The following PPFIA3 variants were observed in gnomAD, a reference collection of about 807,000 sequenced individuals.
PPFIA3 encodes the protein liprin-alpha-3.
In PPFIA3, 26 loss-of-function variants were observed where a neutral mutation model predicts 145.8. That is an observed-to-expected ratio of 0.18 (90% CI 0.13 to 0.25). PPFIA3 has a LOEUF of 0.25. Ranked by LOEUF, PPFIA3 falls within the 10% of genes least tolerant of loss-of-function variation. PPFIA3 has a pLI of 1.00. For missense variants in PPFIA3, 1,008 were observed against 1,587.8 expected (o/e 0.63, Z 6.21); for synonymous variants, 645 against 661.4 (o/e 0.98, Z 0.38).
rs940695370 is a variant in PPFIA3, at chr19:49,141,791, A to G, written c.2463-243A>G. On this transcript the variant is annotated intron_variant, in intron 19 of 29. Coordinates refer to ENST00000334186, the MANE Select transcript of PPFIA3 (RefSeq NM_003660.4). Reference sequence around the variant, plus strand: ...AATTTTTTTTGTATTTTTTACATTTATATTATATTTTTTGTTTCTTTTGTT... The same window carrying G: ...AATTTTTTTTGTATTTTTTACATTTGTATTATATTTTTTGTTTCTTTTGTT... 3.0e-4 allele frequency among the ~76,000 whole-genome samples: 45 copies of G among 149,194 alleles called. 1 individual carries two copies. Among genetic ancestry groups the G allele is most frequent in the African/African-American group, 1.0e-3 (42 of 40,322 alleles).
At position 49,146,390 on chromosome 19, in the gene PPFIA3, C is replaced by T. The variant is rs145082020; in HGVS notation, c.2835+198C>T. 252 of 652,736 alleles carry T rather than the reference C, an allele frequency of 3.9e-4. 1 individual carries two copies. Among genetic ancestry groups the T allele is most frequent in the Non-Finnish European group, 5.6e-4 (213 of 383,244 alleles). The allele number at this position is 652,736 out of a possible 1,614,324, so 40.4% of individuals were successfully genotyped here. A position where few individuals can be genotyped will look rare whatever the true frequency, so the allele number is the denominator to read the frequency against. ...GTAGAGGGGATGCGATGTGGAAGCCCAGACTGTTGCATAGTCAGCCTTATG... is the reference window on the plus strand; with the variant it reads ...GTAGAGGGGATGCGATGTGGAAGCCTAGACTGTTGCATAGTCAGCCTTATG... On this transcript the variant is annotated intron_variant, in intron 23 of 29. Coordinates refer to ENST00000334186, the MANE Select transcript of PPFIA3 (RefSeq NM_003660.4).
intron 21 of PPFIA3, among the ~76,000 whole-genome samples, chr19:49,144,806 A>C (rs1042667707): frequency 6.6e-6 from 1 of 152,070 alleles, no homozygotes; most frequent in African/African-American, 2.4e-5. Context: ...TAATTGGAGA[A>C]AGTCATAACA....
In PPFIA3 at chr19:49,149,456, A is replaced by AGGTGAGACCCGGAGAGG; in HGVS notation, c.3355-86_3355-70dup. On this transcript the variant is annotated intron_variant, in intron 27 of 29. Transcript: ENST00000334186. The surrounding 1 kb of genome is among the most constrained non-coding windows in gnomAD (Gnocchi z 5.7). The stretch of plus-strand genomic sequence containing the variant: ...CAGGAGAGGGGCGGGGTTAAAGGAG[A>AGGTGAGACCCGGAGAGG]GGTGAGACCCGGAGAGGGGTGGAGT... The AGGTGAGACCCGGAGAGG allele has an allele frequency of 6.3e-7, 1 of 1,585,102 alleles. No individual in the cohort carries two copies. Among genetic ancestry groups the AGGTGAGACCCGGAGAGG allele is most frequent in the South Asian group, 1.1e-5 (1 of 89,960 alleles).
At chr19:49,139,889 G>A (rs1255513724) in intron 17 of PPFIA3, 58 bp downstream of exon 17, 9 of 1,612,020 alleles carry the variant, frequency 5.6e-6, no homozygotes, top group South Asian at 5.5e-5. Flanking sequence ...ATGAGAAGGG[G>A]GTGGACAAGG....
chr19:49,140,560 A>G (rs1479032319), intron 18 of PPFIA3, among the ~76,000 whole-genome samples: 2 of 148,906 alleles, frequency 1.3e-5, no homozygotes, highest in Non-Finnish European at 3.0e-5. Context: ...CATGTTGGCC[A>G]GGCTGGTCTT....
In PPFIA3 at chr19:49,128,091, A is replaced by G. The variant is rs759639649; in HGVS notation, c.218A>G (p.Gln73Arg). 2 of 1,573,242 alleles carry G rather than the reference A, an allele frequency of 1.3e-6. No individual in the cohort carries two copies. Among genetic ancestry groups the G allele is most frequent in the South Asian group, 2.3e-5 (2 of 88,840 alleles). The change falls in exon 2 of 30, where the codon CAG becomes CGG. Residue 73 changes from glutamine (Q) to arginine (R), a missense_variant. Gln to Arg is a conservative substitution (Grantham distance 43). Transcript: ENST00000334186. This position sits in a 1 kb window ranked among gnomAD's most constrained non-coding sequence, Gnocchi z 4.1. ...CACGAGAAGGACTCGCTGCAGCGCC[A>G]GCTCAGCATCGCGCTGCCCCAGGTC... is the stretch of plus-strand genomic sequence containing the variant. ...LGHEKDSLQRQLSIALPQEFA... is the reference protein window; with the variant it reads ...LGHEKDSLQRRLSIALPQEFA...
intron 1 of PPFIA3, among the ~76,000 whole-genome samples, chr19:49,125,738 G>C (rs1157049263): frequency 1.3e-5 from 2 of 152,038 alleles, no homozygotes; most frequent in Non-Finnish European, 2.9e-5. Context: ...GGGGAGGAGA[G>C]GGGTGCGGTC....
chr19:49,134,794 C>G (rs780500475), intron 12 of PPFIA3, 42 bp from the exon 13 acceptor site: 1 of 1,607,238 alleles, frequency 6.2e-7, no homozygotes, highest in African/African-American at 1.3e-5. Context: ...TCCTCCTGGG[C>G]GGAGCAGATT....
chr19:49,148,262 G>C lies in PPFIA3; in HGVS notation c.3011+4G>C, dbSNP rs1348286895. ...AGATGGTGGACAGCTTTCACAGGTG[G>C]GGGCTGCCTGGCCAGTGGGGACAGT... On this transcript the variant is annotated splice_donor_region_variant and intron_variant, in intron 24 of 29. Coordinates refer to ENST00000334186, the MANE Select transcript of PPFIA3 (RefSeq NM_003660.4). 6.2e-7 allele frequency: 1 copy of C among 1,612,624 alleles called. No individual in the cohort carries two copies. Among genetic ancestry groups the C allele is most frequent in the East Asian group, 2.2e-5 (1 of 44,894 alleles).
Position 49,149,442 on chromosome 19 carries a change from C to G in PPFIA3, c.3355-105C>G. ...GTTGGAGGCGGGGCCAGGAGAGGGG[C>G]GGGGTTAAAGGAGAGGTGAGACCCG... On this transcript the variant is annotated intron_variant, in intron 27 of 29. Coordinates refer to ENST00000334186, the MANE Select transcript of PPFIA3 (RefSeq NM_003660.4). This position sits in a 1 kb window ranked among gnomAD's most constrained non-coding sequence, Gnocchi z 5.7. 6.3e-7 allele frequency: 1 copy of G among 1,580,532 alleles called. No individual in the cohort carries two copies. The highest frequency in any genetic ancestry group is 1.1e-5 in the South Asian group (1 of 89,850).
chr19:49,145,888 C>A, intron 21 of PPFIA3, 55 bp from the exon 22 acceptor site: 2 of 1,530,874 alleles, frequency 1.3e-6, no homozygotes, highest in Non-Finnish European at 1.8e-6. Flanking sequence ...ACCCTCCTTC[C>A]TCTCCCCCAC....
chr19:49,137,654 A>G (rs1308851311), intron 15 of PPFIA3, among the ~76,000 whole-genome samples: 1 of 140,920 alleles, frequency 7.1e-6, no homozygotes, highest in Non-Finnish European at 1.5e-5. Flanking sequence ...AAAAAAAAAA[A>G]AAAAGTCCCC....
In PPFIA3 at chr19:49,146,208, C is replaced by T. The variant is rs757682307; in HGVS notation, c.2835+16C>T. The T allele has an allele frequency of 9.9e-6, 16 of 1,612,818 alleles. No homozygotes were observed. The African/African-American group carries it at 1.7e-4, about 17-fold the overall frequency. ...CTGGGAGCAGGTAGGGGGCGCGGGG[C>T]GGGGCGTGAGCGCATGAACAGGCTG... On this transcript the variant is annotated intron_variant, in intron 23 of 29. Coordinates refer to ENST00000334186, the MANE Select transcript of PPFIA3 (RefSeq NM_003660.4).
At chr19:49,131,218 G>T (rs1222258379) in intron 7 of PPFIA3, among the ~76,000 whole-genome samples, 3 of 142,408 alleles carry the variant, frequency 2.1e-5, no homozygotes, top group Admixed American at 1.4e-4. Context: ...GCCCAGGCTG[G>T]AGTGCAGTGT....
In PPFIA3 at chr19:49,136,734, G is replaced by A. The variant is rs1285436560; in HGVS notation, c.1676G>A (p.Arg559Gln). 7.8e-6 allele frequency: 12 copies of A among 1,529,376 alleles called. No homozygotes were observed. Among genetic ancestry groups the A allele is most frequent in the South Asian group, 2.5e-5 (2 of 80,018 alleles). 94.7% of individuals were successfully genotyped at this position (1,529,376 alleles called of 1,614,324 possible). The change falls in exon 15 of 30, where the codon CGG (arginine) becomes CAG (glutamine). Residue 559 changes from arginine (R) to glutamine (Q), a missense_variant. Physicochemically the swap from Arg to Gln is conservative, Grantham distance 43. Coordinates refer to ENST00000334186, the MANE Select transcript of PPFIA3 (RefSeq NM_003660.4). ...CCCACACAGGGATAGGATTGGGAGCGGTCTGCCCCTGCGGGCTCCATACCA... is the reference window on the plus strand; with the variant it reads ...CCCACACAGGGATAGGATTGGGAGCAGTCTGCCCCTGCGGGCTCCATACCA... The part of the protein sequence containing the change: ...VKEEPSKDWE[R>Q]SAPAGSIPPP...
rs774610388 is a variant in PPFIA3, at chr19:49,128,354, A to G, written c.241-13A>G. ...TTGAGCCGAATGTCCAGATCCTGCC[A>G]ATGTCTGGACAGGAGTTTGCAGCTC... On this transcript the variant is annotated splice_polypyrimidine_tract_variant and intron_variant, in intron 2 of 29. Coordinates refer to ENST00000334186, the MANE Select transcript of PPFIA3 (RefSeq NM_003660.4). This position sits in a 1 kb window ranked among gnomAD's most constrained non-coding sequence, Gnocchi z 4.1. The G allele has an allele frequency of 2.1e-5, 34 of 1,612,412 alleles. No individual in the cohort carries two copies. Among genetic ancestry groups the G allele is most frequent in the Non-Finnish European group, 2.1e-5 (25 of 1,178,638 alleles).
chr19:49,130,415 A>G lies in PPFIA3; in HGVS notation c.695A>G (p.Asn232Ser), dbSNP rs376829671. Residue 232 changes from asparagine to serine, a missense_variant, in exon 7 of 30, where the codon AAC (asparagine) becomes AGC (serine). Coordinates refer to ENST00000334186, the MANE Select transcript of PPFIA3 (RefSeq NM_003660.4). This position sits in a 1 kb window ranked among gnomAD's most constrained non-coding sequence, Gnocchi z 4.5. Reference sequence around the variant, plus strand: ...GGCCTGGGTCCTGGCGGGGATTCCAACCGGCGCACAGCAGAGCTGGAGGAG... The same window carrying G: ...GGCCTGGGTCCTGGCGGGGATTCCAGCCGGCGCACAGCAGAGCTGGAGGAG... ...ANGLGPGGDS[N>S]RRTAELEEAL... 29 of 1,610,040 alleles carry G rather than the reference A, an allele frequency of 1.8e-5. No homozygotes were observed. The highest frequency in any genetic ancestry group is 2.3e-5 in the Non-Finnish European group (27 of 1,178,524).
intron 1 of PPFIA3, among the ~76,000 whole-genome samples, chr19:49,122,592 T>A (rs1375747340): frequency 6.6e-6 from 1 of 152,214 alleles, no homozygotes; most frequent in Non-Finnish European, 1.5e-5. Context: ...TCCAAGTATG[T>A]GCTCTAGGCT....
At position 49,133,946 on chromosome 19, in the gene PPFIA3, T is replaced by C; in HGVS notation, c.1245+67T>C. 6.3e-7 allele frequency: 1 copy of C among 1,588,156 alleles called. No homozygotes were observed. The highest frequency in any genetic ancestry group is 8.6e-7 in the Non-Finnish European group (1 of 1,166,012). On this transcript the variant is annotated intron_variant, in intron 10 of 29. Coordinates refer to ENST00000334186, the MANE Select transcript of PPFIA3 (RefSeq NM_003660.4). This position sits in a 1 kb window ranked among gnomAD's most constrained non-coding sequence, Gnocchi z 7.2. ...CTGGGGCGGAGCTTAATAAGGAGGC[T>C]GGGCTGGGCCCGGGGGTGGGGCTTA...
Sources: gnomAD v4.1 joint callset for allele counts (sites outside exome capture counted in the v4.1 genomes callset) on GRCh38, gnomAD v4.1.1 for gene constraint, Gnocchi (gnomAD v3.1) non-coding constraint, MANE v1.5 for transcripts, NCBI Gene and HGNC (gene_info 2026-07-23, HGNC 2026-07-21) for gene names.